The following STK17A variants were observed in gnomAD, a reference collection of about 807,000 sequenced individuals.
STK17A encodes serine/threonine-protein kinase 17A.
STK17A carries 26 observed loss-of-function variants against 43.7 expected under a neutral mutation model. The observed-to-expected ratio is 0.60, with a 90% CI of 0.44 to 0.83. The LOEUF (loss-of-function observed/expected upper bound fraction) is 0.83, where lower values mean the gene tolerates loss of function less well. STK17A is among the 40% of genes least tolerant of loss of function. The pLI is 0.00. For synonymous variants in STK17A, 191 were observed against 182.5 expected, an observed-to-expected ratio of 1.05 and a Z score of -0.38; for missense variants, 476 against 511.6, an observed-to-expected ratio of 0.93 and a Z score of 0.67.
Position 43,583,328 on chromosome 7 carries a change from G to C in STK17A, c.85G>C (p.Gly29Arg), listed in dbSNP as rs200156727. The stretch of plus-strand genomic sequence containing the variant: ...GGGCCGGGCAGGCCGGGGTCTGAGC[G>C]GGCCGTGCCGGCCGCCGCCGCCGCC... ...GSGRAGRGLSGPCRPPPPPQA... is the reference protein window; with the variant it reads ...GSGRAGRGLSRPCRPPPPPQA... Residue 29 changes from glycine to arginine, a missense_variant, in exon 1 of 7, where the codon GGG becomes CGG. Gly to Arg is a moderately radical substitution (Grantham distance 125, BLOSUM62 -2). Transcript: ENST00000319357. The C allele has an allele frequency of 2.6e-3, 3,744 of 1,450,394 alleles. 83 individuals carry two copies. In the African/African-American group the frequency reaches 0.05, roughly 19 times the overall value. The allele number at this position is 1,450,394 out of a possible 1,614,324, so 89.8% of individuals were successfully genotyped here. A position where few individuals can be genotyped will look rare whatever the true frequency, so the allele number is the denominator to read the frequency against.
At chr7:43,616,761 G>A (rs913718730) in intron 3 of STK17A, among the ~76,000 whole-genome samples, 4 of 151,902 alleles carry the variant, frequency 2.6e-5, no homozygotes, top group African/African-American at 9.7e-5. Flanking sequence ...GCCGGGCGTG[G>A]TGGCGGGCTC....
intron 2 of STK17A, among the ~76,000 whole-genome samples, chr7:43,603,602 A>G (rs936791647): frequency 3.9e-5 from 6 of 152,200 alleles, no homozygotes; most frequent in Non-Finnish European, 7.3e-5. Flanking sequence ...AAAATTCCAC[A>G]TCTGACCTTA....
intron 2 of STK17A, among the ~76,000 whole-genome samples, chr7:43,607,946 C>T (rs1317954108): frequency 6.6e-6 from 1 of 152,122 alleles, no homozygotes; most frequent in African/African-American, 2.4e-5. Flanking sequence ...TGAGTTGGCT[C>T]AGCCTATACC....
At chr7:43,588,907 A>G (rs1225242964) in intron 1 of STK17A, among the ~76,000 whole-genome samples, 1 of 151,556 alleles carries the variant, frequency 6.6e-6, no homozygotes, top group African/African-American at 2.4e-5. Flanking sequence ...TAAAAGCACT[A>G]CCTTAGGCTC....
intron 2 of STK17A, among the ~76,000 whole-genome samples, chr7:43,598,115 C>T (rs1001385236): frequency 6.6e-6 from 1 of 151,986 alleles, no homozygotes; most frequent in Non-Finnish European, 1.5e-5. Flanking sequence ...ACAAACATAA[C>T]ACTCAGATAT....
chr7:43,624,850 T>G lies in STK17A; in HGVS notation c.*8T>G. 6.3e-7 allele frequency: 1 copy of G among 1,578,694 alleles called. No individual in the cohort carries two copies. Among genetic ancestry groups the G allele is most frequent in the Non-Finnish European group, 8.6e-7 (1 of 1,164,450 alleles). On this transcript the variant is annotated 3_prime_UTR_variant, in exon 7 of 7. Coordinates refer to ENST00000319357, the MANE Select transcript of STK17A (RefSeq NM_004760.3). Reference sequence around the variant, plus strand: ...GGAGAATTTATCTACTGAGCAATATTTCCCTTTAGAACTTCAAGATTTCTA... The same window carrying G: ...GGAGAATTTATCTACTGAGCAATATGTCCCTTTAGAACTTCAAGATTTCTA...
intron 2 of STK17A, among the ~76,000 whole-genome samples, chr7:43,607,586 T>C (rs1208147429): frequency 2.1e-5 from 3 of 144,230 alleles, no homozygotes; most frequent in Non-Finnish European, 3.0e-5. Context: ...GAGGCGGAGG[T>C]TGCAGTGAGC....
At chr7:43,614,034 C>A (rs977716827) in intron 3 of STK17A, among the ~76,000 whole-genome samples, 4 of 152,108 alleles carry the variant, frequency 2.6e-5, no homozygotes, top group African/African-American at 9.7e-5. Context: ...TCTACTCTAA[C>A]CTGGGTTTTA....
chr7:43,601,443 G>T (rs1320688410), intron 2 of STK17A, among the ~76,000 whole-genome samples: 1 of 152,078 alleles, frequency 6.6e-6, no homozygotes, highest in African/African-American at 2.4e-5. Context: ...TGCTTACCAA[G>T]GATTTGTTTT....
intron 3 of STK17A, among the ~76,000 whole-genome samples, chr7:43,613,412 T>G (rs1214028990): frequency 1.3e-5 from 2 of 152,182 alleles, no homozygotes; most frequent in Non-Finnish European, 2.9e-5. Context: ...CTGTACCATT[T>G]CCTATCAGGA....
intron 1 of STK17A, among the ~76,000 whole-genome samples, chr7:43,589,969 T>TTTTAC (rs1385661573): frequency 6.9e-6 from 1 of 144,560 alleles, no homozygotes; most frequent in Non-Finnish European, 1.5e-5. Flanking sequence ...TTTTATTTTA[T>TTTTAC]TTGAGACAGG....
At chr7:43,622,447 TTAATTG>T (rs757488622) in intron 4 of STK17A, 2 of 152,210 alleles carry the variant, frequency 1.3e-5, no homozygotes, top group Non-Finnish European at 2.9e-5. Context: ...ATTCCTTTTT[TTAATTG>T]TAATTACCAC....
rs2082484624 is a variant in STK17A at position 43,592,238 on chromosome 7, T to C, written c.207-3663T>C. Reference sequence around the variant, plus strand: ...TGGAGATGTTAGCCTAATGATTTTGTGGGATAAAATGAAAGGTATTAATTA... The same window carrying C: ...TGGAGATGTTAGCCTAATGATTTTGCGGGATAAAATGAAAGGTATTAATTA... On this transcript the variant is annotated intron_variant, in intron 1 of 6. Transcript: ENST00000319357. 2.0e-5 allele frequency among the ~76,000 whole-genome samples: 3 copies of C among 151,592 alleles called. 1 individual carries two copies. The highest frequency in any genetic ancestry group is 4.4e-5 in the Non-Finnish European group (3 of 67,670).
intron 2 of STK17A, among the ~76,000 whole-genome samples, chr7:43,606,263 A>G (rs548947536): frequency 1.7e-4 from 26 of 152,318 alleles, no homozygotes; most frequent in Non-Finnish European, 2.9e-4. Context: ...GAGAAAGTAA[A>G]GATCCAAACT....
rs576442856 is a variant in STK17A at position 43,612,632 on chromosome 7, C to A, written c.564+4232C>A. Among the ~76,000 whole-genome samples the A allele has an allele frequency of 1.2e-3, 186 of 152,300 alleles. 1 individual carries two copies. Among genetic ancestry groups the A allele is most frequent in the Non-Finnish European group, 2.4e-3 (163 of 68,038 alleles). On this transcript the variant is annotated intron_variant, in intron 3 of 6. Transcript: ENST00000319357. ...AAATGGGAAACTCCTGTCCCTGTGACAGAAGTTAGTTGGAAGTTAAAACAA... is the reference window on the plus strand; with the variant it reads ...AAATGGGAAACTCCTGTCCCTGTGAAAGAAGTTAGTTGGAAGTTAAAACAA...
intron 4 of STK17A, chr7:43,622,317 C>A (rs1302669617): frequency 6.6e-6 from 1 of 152,166 alleles, no homozygotes; most frequent in Non-Finnish European, 1.5e-5. Context: ...GATTAGCATA[C>A]CTCGCATTTC....
intron 3 of STK17A, among the ~76,000 whole-genome samples, chr7:43,613,714 C>T (rs551313108): frequency 4.6e-5 from 7 of 152,146 alleles, no homozygotes; most frequent in Middle Eastern, 3.4e-3. Context: ...CATGGTGGCA[C>T]GCGCCTTTAG....
chr7:43,612,188 G>T (rs368920506), intron 3 of STK17A, among the ~76,000 whole-genome samples: 5 of 152,116 alleles, frequency 3.3e-5, no homozygotes, highest in African/African-American at 1.2e-4. Flanking sequence ...ATGTTTCCTC[G>T]ACCCAGAGGA....
Position 43,623,891 on chromosome 7 carries a change from A to T in STK17A, c.920+3A>T, listed in dbSNP as rs1032123364. On this transcript the variant is annotated splice_donor_region_variant and intron_variant, in intron 6 of 6. Transcript: ENST00000319357. ...ACACTTTTAGTTAAGAAACCTGAGT[A>T]AGTATTATTTTTATTAGTTTAATAT... 1 of 1,508,236 alleles carries T rather than the reference A, an allele frequency of 6.6e-7. No homozygotes were observed. Among genetic ancestry groups the T allele is most frequent in the Non-Finnish European group, 8.8e-7 (1 of 1,135,928 alleles). 93.4% of individuals were successfully genotyped at this position (1,508,236 alleles called of 1,614,324 possible).
Sources: gnomAD v4.1 joint callset for allele counts (sites outside exome capture counted in the v4.1 genomes callset) on GRCh38, gnomAD v4.1.1 for gene constraint, MANE v1.5 for transcripts, NCBI Gene and HGNC (gene_info 2026-07-23, HGNC 2026-07-21) for gene names.